Variants in PKIB observed in about 807,000 individuals in gnomAD.
PKIB encodes PKI-beta.
Under a neutral mutation model 4.5 loss-of-function variants are expected in PKIB, and 2 were observed. That is an observed-to-expected ratio of 0.44 (90% CI 0.18 to 1.39). The LOEUF is 1.39. PKIB is among the 40% of genes most tolerant of loss of function. PKIB has a pLI of 0.27. For missense variants in PKIB, 94 were observed against 92.6 expected (o/e 1.02, Z -0.06); for synonymous variants, 38 against 36.0 (o/e 1.06, Z -0.20).
intron 2 of PKIB, among the ~76,000 whole-genome samples, chr6:122,652,003 A>G (rs1776573044): frequency 6.6e-6 from 1 of 152,170 alleles, no homozygotes; most frequent in African/African-American, 2.4e-5. Context: ...ATCATGCCAT[A>G]GACTACCAGT....
intron 2 of PKIB, among the ~76,000 whole-genome samples, chr6:122,649,330 C>A (rs1415933811): frequency 6.6e-6 from 1 of 152,210 alleles, no homozygotes; most frequent in East Asian, 1.9e-4. Context: ...AGGAAGACTT[C>A]TCTTTAGCAC....
chr6:122,723,858 A>C (rs1779836579), intron 4 of PKIB, among the ~76,000 whole-genome samples: 1 of 152,174 alleles, frequency 6.6e-6, no homozygotes, highest in South Asian at 2.1e-4. Flanking sequence ...TGTCTTCATT[A>C]GCCCTTTTTA....
intron 2 of PKIB, among the ~76,000 whole-genome samples, chr6:122,580,339 G>T (rs544892383): frequency 1.3e-5 from 2 of 152,014 alleles, no homozygotes; most frequent in African/African-American, 2.4e-5. Context: ...ATGGGAAACT[G>T]GGACCTCTGG....
chr6:122,522,937 T>C (rs979260566), intron 2 of PKIB, among the ~76,000 whole-genome samples: 12 of 152,222 alleles, frequency 7.9e-5, no homozygotes, highest in Non-Finnish European at 1.3e-4. Flanking sequence ...TTGAATACAT[T>C]TAATAATTTA....
At position 122,602,008 on chromosome 6, in the gene PKIB, ATT is replaced by A. The variant is rs78504289; in HGVS notation, c.-161+16015_-161+16016del. Among the ~76,000 whole-genome samples the A allele has an allele frequency of 4.2e-3, 589 of 140,330 alleles. 4 individuals carry two copies. The highest frequency in any genetic ancestry group is 0.035 in the East Asian group (165 of 4,704). 92.1% of individuals were successfully genotyped at this position (140,330 alleles called of 152,430 possible). Reference sequence around the variant, plus strand: ...CAAGCTCTTCCCTTCCTTTCCCTTCATTTTTTTTTTTTTTTATAAATACAAGG... The same window carrying A: ...CAAGCTCTTCCCTTCCTTTCCCTTCATTTTTTTTTTTTTATAAATACAAGG... On this transcript the variant is annotated intron_variant, in intron 3 of 6. Transcript: ENST00000392491.
At chr6:122,578,556 G>A (rs1432696104) in intron 2 of PKIB, among the ~76,000 whole-genome samples, 1 of 151,990 alleles carries the variant, frequency 6.6e-6, no homozygotes, top group East Asian at 1.9e-4. Flanking sequence ...TTGCCTAGTT[G>A]TGCAGGTTCT....
chr6:122,597,938 T>G (rs373739738), intron 3 of PKIB, among the ~76,000 whole-genome samples: 2 of 152,280 alleles, frequency 1.3e-5, no homozygotes. Flanking sequence ...CAGTGACATT[T>G]TGGGTCCCCT....
intron 3 of PKIB, among the ~76,000 whole-genome samples, chr6:122,694,140 C>T (rs1181975831): frequency 1.3e-5 from 2 of 152,112 alleles, no homozygotes; most frequent in Admixed American, 1.3e-4. Flanking sequence ...GTGGCTTACC[C>T]TCACCCCCAA....
At chr6:122,547,889 A>G (rs796961675) in intron 2 of PKIB, among the ~76,000 whole-genome samples, 7 of 52,100 alleles carry the variant, frequency 1.3e-4, no homozygotes, top group African/African-American at 3.9e-4. Context: ...CTGTGCTCCA[A>G]ACTCACCGAA....
At chr6:122,576,695 T>A (rs1180537789) in intron 2 of PKIB, among the ~76,000 whole-genome samples, 22 of 98,212 alleles carry the variant, frequency 2.2e-4, no homozygotes, top group African/African-American at 8.4e-4. Context: ...AAAAAATATA[T>A]ATATATATAT....
At chr6:122,662,278 T>TTTC (rs1777023918) in intron 2 of PKIB, among the ~76,000 whole-genome samples, 2 of 147,008 alleles carry the variant, frequency 1.4e-5, no homozygotes, top group South Asian at 4.3e-4. Context: ...CCAAGGTCTC[T>TTTC]TTCTCTCTCC....
At chr6:122,554,299 G>A (rs1582695266) in intron 2 of PKIB, among the ~76,000 whole-genome samples, 2 of 152,234 alleles carry the variant, frequency 1.3e-5, no homozygotes, top group South Asian at 4.2e-4. Flanking sequence ...GAATTTTCCA[G>A]GCATTGTCTC....
At chr6:122,475,471 T>C (rs888201967) in intron 1 of PKIB, among the ~76,000 whole-genome samples, 1 of 151,926 alleles carries the variant, frequency 6.6e-6, no homozygotes, top group East Asian at 1.9e-4. Context: ...CTAGGCAACA[T>C]AGTGAGACTT....
intron 2 of PKIB, among the ~76,000 whole-genome samples, chr6:122,649,220 T>TAA (rs1776448604): frequency 6.6e-6 from 1 of 152,230 alleles, no homozygotes; most frequent in South Asian, 2.1e-4. Flanking sequence ...CTCCAAACTG[T>TAA]TGACCACAGC....
At chr6:122,578,278 C>T (rs1773607657) in intron 2 of PKIB, among the ~76,000 whole-genome samples, 1 of 152,008 alleles carries the variant, frequency 6.6e-6, no homozygotes, top group Non-Finnish European at 1.5e-5. Flanking sequence ...GATGCTTCTG[C>T]TTCAAAGTGG....
At chr6:122,552,792 A>G (rs1772716972) in intron 2 of PKIB, among the ~76,000 whole-genome samples, 1 of 152,090 alleles carries the variant, frequency 6.6e-6, no homozygotes, top group Non-Finnish European at 1.5e-5. Context: ...TGCAGCATCA[A>G]GGCATCCTCT....
chr6:122,480,352 T>A (rs186056039), intron 2 of PKIB: 22 of 152,182 alleles, frequency 1.4e-4, no homozygotes, highest in African/African-American at 4.6e-4. Flanking sequence ...TATAGTCAAA[T>A]TTTTTAATAA....
intron 2 of PKIB, among the ~76,000 whole-genome samples, chr6:122,560,036 T>G (rs1297114080): frequency 1.3e-5 from 2 of 152,162 alleles, no homozygotes; most frequent in East Asian, 1.9e-4. Flanking sequence ...CCTTTATTTC[T>G]TTCTCTTGTT....
At chr6:122,649,142 T>C (rs911639303) in intron 2 of PKIB, among the ~76,000 whole-genome samples, 1 of 152,236 alleles carries the variant, frequency 6.6e-6, no homozygotes, top group Non-Finnish European at 1.5e-5. Context: ...GAGGTCTATC[T>C]GCATACCTCT....
Sources: gnomAD v4.1 joint callset for allele counts (sites outside exome capture counted in the v4.1 genomes callset) on GRCh38, gnomAD v4.1.1 for gene constraint, MANE v1.5 for transcripts, NCBI Gene and HGNC (gene_info 2026-07-23, HGNC 2026-07-21) for gene names.